The following ADAMTS17 variants were observed in gnomAD, a reference collection of about 807,000 sequenced individuals.
ADAMTS17 encodes A disintegrin and metalloproteinase with thrombospondin motifs 17.
In ADAMTS17, 113 loss-of-function variants were observed where a neutral mutation model predicts 141.5. The ratio of observed to expected loss-of-function variants is 0.80; its 90% confidence interval spans 0.69 to 0.93. The LOEUF is 0.93. ADAMTS17 is among the 40% of genes least tolerant of loss of function. The pLI is 0.00. For missense variants in ADAMTS17, 1,659 were observed against 1,517.9 expected, an observed-to-expected ratio of 1.09 and a Z score of -1.54; for synonymous variants, 768 against 630.6, an observed-to-expected ratio of 1.22 and a Z score of -3.27.
chr15:100,341,779 C>G, intron 1 of ADAMTS17, 42 bp downstream of exon 1: 1 of 1,542,092 alleles, frequency 6.5e-7, no homozygotes, highest in Non-Finnish European at 8.7e-7. Context: ...GGAAGGTAGC[C>G]GCAGGACGCG....
intron 8 of ADAMTS17, among the ~76,000 whole-genome samples, chr15:100,156,809 A>G (rs2039457311): frequency 6.6e-6 from 1 of 152,220 alleles, no homozygotes; most frequent in South Asian, 2.1e-4. Flanking sequence ...AATCCTTTTT[A>G]TGTGTATACA....
intron 10 of ADAMTS17, among the ~76,000 whole-genome samples, chr15:100,135,646 A>G (rs4965279): frequency 0.71 from 107,679 of 152,128 alleles, 38,995 homozygotes; most frequent in East Asian, 0.89. Flanking sequence ...TTTGCAATAC[A>G]TAAGAGATTT....
At position 100,213,034 on chromosome 15, in the gene ADAMTS17, C is replaced by G. The variant is rs1482593743; in HGVS notation, c.1076-13611G>C. ...AACAGCTGAGGGATATGCACATATC[C>G]GTAGTTTAACATATATATGATTTAC... On this transcript the variant is annotated intron_variant, in intron 7 of 21. Coordinates refer to ENST00000268070, the MANE Select transcript of ADAMTS17 (RefSeq NM_139057.4). 5.9e-5 allele frequency among the ~76,000 whole-genome samples: 9 copies of G among 151,942 alleles called. No individual in the cohort carries two copies. The East Asian group carries it at 1.2e-3, about 20-fold the overall frequency.
chr15:100,127,301 G>A (rs1033221507), intron 12 of ADAMTS17, among the ~76,000 whole-genome samples: 6 of 152,130 alleles, frequency 3.9e-5, no homozygotes, highest in Admixed American at 3.3e-4. Context: ...AATGACAAGC[G>A]TTCTTCCAAG....
Position 100,330,883 on chromosome 15 carries a change from A to C in ADAMTS17, c.616+6T>G. 6.2e-7 allele frequency: 1 copy of C among 1,613,770 alleles called. No homozygotes were observed. The highest frequency in any genetic ancestry group is 1.7e-5 in the Admixed American group (1 of 60,014). Reference sequence around the variant, plus strand: ...CTAAGCTGGTCATGCTGCTGCCCCGACTCACCTGTTAGAACCTTGCAGAGC... The same window carrying C: ...CTAAGCTGGTCATGCTGCTGCCCCGCCTCACCTGTTAGAACCTTGCAGAGC... On this transcript the variant is annotated splice_donor_region_variant and intron_variant, in intron 3 of 21. Transcript: ENST00000268070.
chr15:100,221,635 T>C (rs57219150), intron 7 of ADAMTS17, among the ~76,000 whole-genome samples: 25,442 of 152,200 alleles, frequency 0.17, 2,343 homozygotes, highest in Non-Finnish European at 0.22. Context: ...TCATGACCAC[T>C]TGCTGAAGCC....
Position 100,051,647 on chromosome 15 carries a change from G to A in ADAMTS17, c.2380C>T (p.Pro794Ser). ...VNRTAENQSEPEKPQDSLFIW... is the reference protein window; with the variant it reads ...VNRTAENQSESEKPQDSLFIW... The stretch of plus-strand genomic sequence containing the variant: ...AACAAAGAGTCCTGCGGTTTTTCTG[G>A]TTCGCTTTGATTTTCCGCAGTGCGG... The change falls in exon 17 of 22, where the codon CCA becomes TCA. Residue 794 changes from proline (P) to serine (S), a missense_variant. Transcript: ENST00000268070. The A allele has an allele frequency of 7.4e-6, 12 of 1,614,172 alleles. No individual in the cohort carries two copies. Among genetic ancestry groups the A allele is most frequent in the Non-Finnish European group, 1.0e-5 (12 of 1,180,032 alleles).
chr15:100,040,939 G>A (rs760024302), intron 18 of ADAMTS17, among the ~76,000 whole-genome samples: 51 of 152,108 alleles, frequency 3.4e-4, no homozygotes, highest in Non-Finnish European at 7.1e-4. Context: ...GAAAAAGACA[G>A]GAAAGAAAAT....
At chr15:100,116,192 T>G (rs1277076736) in intron 13 of ADAMTS17, among the ~76,000 whole-genome samples, 1 of 144,308 alleles carries the variant, frequency 6.9e-6, no homozygotes, top group African/African-American at 2.6e-5. Flanking sequence ...TGGGGTGTCC[T>G]CATCTATTAA....
rs777227721 is a variant in ADAMTS17, at chr15:100,281,261, C to T, written c.757G>A (p.Ala253Thr). Residue 253 changes from alanine to threonine, a missense_variant, in exon 4 of 22, where the codon GCC becomes ACC. Ala to Thr is a moderately conservative substitution (Grantham distance 58). Transcript: ENST00000268070. Reference sequence around the variant, plus strand: ...ATGACGGTCAGGATGAACCTCTGGGCGGCCTCGGCCCCGTGGTACTGCACC... The same window carrying T: ...ATGACGGTCAGGATGAACCTCTGGGTGGCCTCGGCCCCGTGGTACTGCACC... ...DMVQYHGAEAAQRFILTVMNM... is the reference protein window; with the variant it reads ...DMVQYHGAEATQRFILTVMNM... The T allele has an allele frequency of 1.4e-5, 23 of 1,606,928 alleles. No homozygotes were observed. Among genetic ancestry groups the T allele is most frequent in the Middle Eastern group, 1.8e-4 (1 of 5,530 alleles).
intron 14 of ADAMTS17, among the ~76,000 whole-genome samples, chr15:100,102,678 T>C (rs1437451643): frequency 6.6e-6 from 1 of 152,152 alleles, no homozygotes; most frequent in Non-Finnish European, 1.5e-5. Flanking sequence ...TCGTAACTAG[T>C]GCGAGGGAAA....
rs949554351 is a variant in ADAMTS17 at position 100,240,929 on chromosome 15, G to A, written c.1075+13207C>T. 2.6e-5 allele frequency among the ~76,000 whole-genome samples: 4 copies of A among 152,214 alleles called. No homozygotes were observed. In the East Asian group the frequency reaches 5.8e-4, roughly 22 times the overall value. ...CAACCTCCGCCTCCCGGGTTCAAGC[G>A]ATTCTCCTGCCTCAACCTCCTGAGT... is the stretch of plus-strand genomic sequence containing the variant. On this transcript the variant is annotated intron_variant, in intron 7 of 21. Coordinates refer to ENST00000268070, the MANE Select transcript of ADAMTS17 (RefSeq NM_139057.4).
chr15:99,975,813 G>A (rs902463481), intron 21 of ADAMTS17, among the ~76,000 whole-genome samples: 1 of 152,220 alleles, frequency 6.6e-6, no homozygotes, highest in Non-Finnish European at 1.5e-5. Context: ...AGGGGTGAGG[G>A]AGACGCTCAG....
intron 15 of ADAMTS17, among the ~76,000 whole-genome samples, chr15:100,071,791 C>T (rs140386906): frequency 0.016 from 2,422 of 150,378 alleles, 144 homozygotes; most frequent in South Asian, 0.065. Flanking sequence ...AAACCCATAG[C>T]CAATATCATA....
chr15:100,070,344 G>C (rs1265536756), intron 15 of ADAMTS17, among the ~76,000 whole-genome samples: 6 of 148,594 alleles, frequency 4.0e-5, no homozygotes, highest in African/African-American at 1.5e-4. Context: ...GAGTCAGAAA[G>C]TTAACAAGGA....
intron 10 of ADAMTS17, among the ~76,000 whole-genome samples, chr15:100,142,922 T>C (rs1040081295): frequency 2.6e-5 from 4 of 152,230 alleles, no homozygotes; most frequent in Non-Finnish European, 5.9e-5. Flanking sequence ...CCTCGGGTCC[T>C]TGTGAATGCT....
At chr15:100,152,796 T>TG in intron 9 of ADAMTS17, 34 bp from the exon 10 acceptor site, 7 of 1,613,316 alleles carry the variant, frequency 4.3e-6, no homozygotes, top group Non-Finnish European at 5.9e-6. Context: ...GACTTGCAAA[T>TG]GTACTGCCTA....
chr15:100,021,602 C>T (rs147524254), intron 18 of ADAMTS17, among the ~76,000 whole-genome samples: 254 of 152,338 alleles, frequency 1.7e-3, no homozygotes, highest in African/African-American at 5.8e-3. Flanking sequence ...CCCAGCATTC[C>T]GGTCCCAGCC....
chr15:100,232,953 G>A lies in ADAMTS17; in HGVS notation c.1075+21183C>T, dbSNP rs370165902. ...CCACTGCCCCATGTCAGTTTTTAAA[G>A]GGAGAGTATTGAGGTATTCAGTAAA... On this transcript the variant is annotated intron_variant, in intron 7 of 21. Transcript: ENST00000268070. Among the ~76,000 whole-genome samples, 103 of 152,326 alleles carry A rather than the reference G, an allele frequency of 6.8e-4. 1 individual carries two copies. Among genetic ancestry groups the A allele is most frequent in the African/African-American group, 2.4e-3 (100 of 41,590 alleles).
Sources: gnomAD v4.1 joint callset for allele counts (sites outside exome capture counted in the v4.1 genomes callset) on GRCh38, gnomAD v4.1.1 for gene constraint, MANE v1.5 for transcripts, NCBI Gene and HGNC (gene_info 2026-07-23, HGNC 2026-07-21) for gene names.